The following ZNF710 variants were observed in gnomAD, a reference collection of about 807,000 sequenced individuals.
ZNF710 encodes the protein zinc finger protein 710.
In ZNF710, 13 loss-of-function variants were observed where a neutral mutation model predicts 50.6. The ratio of observed to expected loss-of-function variants is 0.26; its 90% CI spans 0.17 to 0.41. The LOEUF is 0.41. Among genes scored for constraint, ZNF710 ranks in the 10% least tolerant of loss-of-function variants. The probability of loss-of-function intolerance (pLI) is 1.00; values close to 1 mark genes in which losing one functional copy is unlikely to be tolerated. For missense variants in ZNF710, 721 were observed against 936.6 expected, an observed-to-expected ratio of 0.77 and a Z score of 3.01; for synonymous variants, 383 against 397.0, an observed-to-expected ratio of 0.96 and a Z score of 0.42.
At chr15:90,006,104 G>C (rs560769324) in intron 1 of ZNF710, among the ~76,000 whole-genome samples, 1 of 152,188 alleles carries the variant, frequency 6.6e-6, no homozygotes, top group South Asian at 2.1e-4. Flanking sequence ...GAGGGAGGCT[G>C]GTCAGGGAGT....
At chr15:90,037,000 C>T (rs542808279) in intron 1 of ZNF710, among the ~76,000 whole-genome samples, 9 of 152,194 alleles carry the variant, frequency 5.9e-5, no homozygotes, top group African/African-American at 1.7e-4. Flanking sequence ...GAGAATAGCA[C>T]AAGCAAGAGC....
At chr15:90,044,580 G>C (rs1254523373) in intron 1 of ZNF710, among the ~76,000 whole-genome samples, 3 of 152,238 alleles carry the variant, frequency 2.0e-5, no homozygotes, top group Admixed American at 6.5e-5. Context: ...GCATCAGAGG[G>C]ATTTCAAAAT....
rs925400324 is a variant in ZNF710, at chr15:90,034,669, C to T, written c.-28-32441C>T. ...CTCTTCTCACCCCTTCTGAGAGGCC[C>T]GCCTGCTCTCCTGCTACCCTAGAGC... On this transcript the variant is annotated intron_variant, in intron 1 of 4. Coordinates refer to ENST00000268154, the MANE Select transcript of ZNF710 (RefSeq NM_198526.4). The surrounding 1 kb of genome is among the most constrained non-coding windows in gnomAD (Gnocchi z 4.0). Among the ~76,000 whole-genome samples the T allele has an allele frequency of 1.1e-4, 17 of 152,128 alleles. No individual in the cohort carries two copies. Among genetic ancestry groups the T allele is most frequent in the African/African-American group, 4.8e-5 (2 of 41,424 alleles).
chr15:90,039,256 A>G (rs182750335), intron 1 of ZNF710, among the ~76,000 whole-genome samples: 2,775 of 151,444 alleles, frequency 0.018, 92 homozygotes, highest in African/African-American at 0.063. Context: ...TCCAGCCTGG[A>G]TGGCAGAGCG....
chr15:90,074,085 A>G, intron 3 of ZNF710, 31 bp from the exon 4 acceptor site: 1 of 1,581,910 alleles, frequency 6.3e-7, no homozygotes, highest in African/African-American at 1.4e-5. Context: ...GGTTCCCCAC[A>G]GGCTCAGGAC....
intron 1 of ZNF710, among the ~76,000 whole-genome samples, chr15:90,030,321 C>A (rs1348278453): frequency 1.4e-5 from 1 of 70,754 alleles, no homozygotes; most frequent in Non-Finnish European, 2.6e-5. Context: ...AAGAGCAAAA[C>A]TCCATCTCAA....
intron 2 of ZNF710, among the ~76,000 whole-genome samples, chr15:90,070,093 A>G (rs1185260003): frequency 6.6e-6 from 1 of 152,196 alleles, no homozygotes; most frequent in Non-Finnish European, 1.5e-5. Context: ...CACTATAGGG[A>G]GTTGGGGAGC....
intron 1 of ZNF710, among the ~76,000 whole-genome samples, 154 bp from the exon 2 acceptor site, chr15:90,066,953 TATA>T (rs1182155999): frequency 1.3e-5 from 2 of 152,134 alleles, no homozygotes; most frequent in Admixed American, 1.3e-4. Context: ...CACTGCTCCC[TATA>T]ATAACAAGTG....
chr15:90,029,609 A>G (rs1314711211), intron 1 of ZNF710, among the ~76,000 whole-genome samples: 4 of 151,970 alleles, frequency 2.6e-5, no homozygotes, highest in South Asian at 2.1e-4. Flanking sequence ...TCTACAAAAA[A>G]ATTTTTTGTT....
intron 2 of ZNF710, among the ~76,000 whole-genome samples, chr15:90,071,578 A>G (rs1011927021): frequency 6.6e-6 from 1 of 152,156 alleles, no homozygotes; most frequent in East Asian, 1.9e-4. Context: ...AGCTGTGACC[A>G]CAGACACATG....
At chr15:90,073,926 G>A (rs781373830) in intron 3 of ZNF710, among the ~76,000 whole-genome samples, 190 bp from the exon 4 acceptor site, 54 of 143,992 alleles carry the variant, frequency 3.8e-4, no homozygotes, top group Admixed American at 2.8e-3. Context: ...GGAGGCAGAA[G>A]TTGCAGTGAG....
intron 1 of ZNF710, among the ~76,000 whole-genome samples, chr15:90,013,767 C>T (rs1384807330): frequency 1.3e-5 from 2 of 152,144 alleles, no homozygotes; most frequent in Admixed American, 6.5e-5. Flanking sequence ...TGGTCAAAGT[C>T]CTAATCATTT....
At chr15:90,001,732 G>GC (rs936603755) in intron 1 of ZNF710, 118 bp downstream of exon 1, 4 of 142,814 alleles carry the variant, frequency 2.8e-5, no homozygotes, top group Non-Finnish European at 4.6e-5. Context: ...CGGCCGACCC[G>GC]CCCCCCGCCT....
At chr15:90,071,823 C>T (rs186204703) in intron 2 of ZNF710, among the ~76,000 whole-genome samples, 3 of 151,868 alleles carry the variant, frequency 2.0e-5, no homozygotes, top group Admixed American at 1.3e-4. Flanking sequence ...GGATTACAGG[C>T]GCATACCACG....
chr15:90,014,822 A>G (rs1483138933), intron 1 of ZNF710, among the ~76,000 whole-genome samples: 2 of 152,032 alleles, frequency 1.3e-5, no homozygotes, highest in African/African-American at 4.8e-5. Flanking sequence ...TATATCATGG[A>G]GCTCATTTCC....
intron 1 of ZNF710, among the ~76,000 whole-genome samples, chr15:90,054,647 C>T (rs900426126): frequency 6.6e-6 from 1 of 152,232 alleles, no homozygotes; most frequent in African/African-American, 2.4e-5. Flanking sequence ...GAAGTTCAAG[C>T]GCAGTGAATG....
At chr15:89,998,672 G>C (rs1258037895), upstream of ZNF710, among the ~76,000 whole-genome samples, 1 of 152,140 alleles carries the variant, frequency 6.6e-6, no homozygotes, top group Non-Finnish European at 1.5e-5. Flanking sequence ...CCGGGGATTG[G>C]TGCTTATGTA....
chr15:90,050,084 T>G (rs1255575234), intron 1 of ZNF710, among the ~76,000 whole-genome samples: 1 of 152,254 alleles, frequency 6.6e-6, no homozygotes, highest in Admixed American at 6.5e-5. Context: ...GTGTGTACGC[T>G]ATCAGCTGAT....
chr15:90,033,651 T>C, intron 1 of ZNF710, among the ~76,000 whole-genome samples: 1 of 152,162 alleles, frequency 6.6e-6, no homozygotes, highest in Non-Finnish European at 1.5e-5. Flanking sequence ...CTTGACCTCC[T>C]GGGCCTGAGC....
Sources: gnomAD v4.1 joint callset for allele counts (sites outside exome capture counted in the v4.1 genomes callset) on GRCh38, gnomAD v4.1.1 for gene constraint, Gnocchi (gnomAD v3.1) non-coding constraint, MANE v1.5 for transcripts, NCBI Gene and HGNC (gene_info 2026-07-23, HGNC 2026-07-21) for gene names.